HDX: variants seen among roughly 807,000 people sequenced by gnomAD.
HDX encodes the protein chromosome X open reading frame 43.
In HDX, 19 loss-of-function variants were observed where a neutral mutation model predicts 45.2. That is an observed-to-expected ratio of 0.42 (90% CI 0.29 to 0.62). HDX has a LOEUF of 0.62. Ranked by LOEUF, HDX falls within the 20% of genes least tolerant of loss-of-function variation. The probability of loss-of-function intolerance (pLI) is 0.20; values close to 1 mark genes in which losing one functional copy is unlikely to be tolerated. For synonymous variants in HDX, 188 were observed against 172.8 expected, an observed-to-expected ratio of 1.09 and a Z score of -0.69; for missense variants, 532 against 493.9, an observed-to-expected ratio of 1.08 and a Z score of -0.73.
chrX:84,412,497 T>A (rs764504326), intron 5 of HDX, among the ~76,000 whole-genome samples: 18 of 111,907 alleles, frequency 1.6e-4, no homozygotes, highest in Non-Finnish European at 2.4e-4. Flanking sequence ...TAATATAGGC[T>A]CCCAATCTCT....
At chrX:84,454,163 G>C (rs141324049) in intron 4 of HDX, among the ~76,000 whole-genome samples, 72 of 111,523 alleles carry the variant, frequency 6.5e-4, no homozygotes, top group African/African-American at 2.2e-3. Flanking sequence ...TGGGCATGGG[G>C]AAAGACACCT....
intron 5 of HDX, among the ~76,000 whole-genome samples, chrX:84,429,224 T>C (rs1472852672): frequency 9.1e-6 from 1 of 109,482 alleles, no homozygotes; most frequent in African/African-American, 3.3e-5. Flanking sequence ...TACAAAAAAG[T>C]GACCTGAAAT....
At chrX:84,421,459 G>A (rs1313301492) in intron 5 of HDX, among the ~76,000 whole-genome samples, 1 of 110,559 alleles carries the variant, frequency 9.0e-6, no homozygotes, top group Non-Finnish European at 1.9e-5. Flanking sequence ...GTATTACCAG[G>A]CAAAATTACC....
chrX:84,372,914 C>T (rs1018742678), intron 5 of HDX, among the ~76,000 whole-genome samples: 1 of 111,326 alleles, frequency 9.0e-6, no homozygotes, highest in Admixed American at 9.6e-5. Flanking sequence ...TCCTCAGGTG[C>T]TAAGAAATTA....
intron 1 of HDX, among the ~76,000 whole-genome samples, chrX:84,491,144 C>T (rs781473399): frequency 7.9e-4 from 88 of 111,537 alleles, no homozygotes; most frequent in African/African-American, 2.8e-3. Flanking sequence ...TACTTCCCAC[C>T]TTCTGTGACT....
chrX:84,493,121 C>G (rs974751325), intron 1 of HDX, among the ~76,000 whole-genome samples: 6 of 111,043 alleles, frequency 5.4e-5, no homozygotes, highest in Admixed American at 9.6e-5. Flanking sequence ...TCTCTATTTA[C>G]TTTATTTTAA....
At chrX:84,496,412 G>A (rs7886859) in intron 1 of HDX, among the ~76,000 whole-genome samples, 43,554 of 108,394 alleles carry the variant, frequency 0.4, 7,834 homozygotes, top group African/African-American at 0.69. Context: ...GTTAAAATGC[G>A]GATTCTGATT....
intron 5 of HDX, among the ~76,000 whole-genome samples, chrX:84,395,315 T>A (rs1052642353): frequency 9.0e-6 from 1 of 110,543 alleles, no homozygotes; most frequent in Non-Finnish European, 1.9e-5. Context: ...TTTTCCTACA[T>A]TTATGAAGAA....
At chrX:84,428,437 A>C (rs148613254) in intron 5 of HDX, among the ~76,000 whole-genome samples, 201 of 110,961 alleles carry the variant, frequency 1.8e-3, no homozygotes, top group Non-Finnish European at 3.0e-3. Flanking sequence ...TCCCATCCCT[A>C]GCCCCAGAAA....
chrX:84,446,468 A>T (rs954497338), intron 4 of HDX, among the ~76,000 whole-genome samples: 11 of 112,074 alleles, frequency 9.8e-5, no homozygotes, highest in African/African-American at 3.6e-4. Flanking sequence ...GTTACCATGA[A>T]TCACAACTCT....
intron 5 of HDX, among the ~76,000 whole-genome samples, chrX:84,376,454 C>A (rs1442857952): frequency 8.9e-6 from 1 of 111,769 alleles, no homozygotes; most frequent in Non-Finnish European, 1.9e-5. Flanking sequence ...GATTCTAGGA[C>A]TTGACTCTTC....
chrX:84,366,656 C>G (rs2147862562), intron 5 of HDX, among the ~76,000 whole-genome samples: 1 of 111,022 alleles, frequency 9.0e-6, no homozygotes, highest in African/African-American at 3.3e-5. Flanking sequence ...TGGAACAGAA[C>G]AGGGGCCTCA....
chrX:84,372,811 A>G (rs1569301408), intron 5 of HDX, among the ~76,000 whole-genome samples: 1 of 111,546 alleles, frequency 9.0e-6, no homozygotes, highest in East Asian at 2.8e-4. Context: ...TCAGAACTTG[A>G]TTTACAGTAG....
rs111517292 is a variant in HDX at position 84,376,892 on chromosome X, C to T, written c.1306-15280G>A. On this transcript the variant is annotated intron_variant, in intron 5 of 10. Transcript: ENST00000373177. ...CCAGCTGATTGTAGAGCCCCAGGGC[C>T]TAGTGCGAACATAGACAGTAGCCAG... 6.6e-3 allele frequency among the ~76,000 whole-genome samples: 739 copies of T among 111,740 alleles called. 5 individuals carry two copies. Among genetic ancestry groups the T allele is most frequent in the African/African-American group, 0.022 (691 of 30,764 alleles).
intron 1 of HDX, among the ~76,000 whole-genome samples, chrX:84,490,972 C>A (rs974072617): frequency 9.0e-6 from 1 of 111,060 alleles, no homozygotes; most frequent in African/African-American, 3.3e-5. Context: ...TTAAGATTTT[C>A]TCTTTTCTAT....
At chrX:84,374,687 C>T (rs1333138782) in intron 5 of HDX, among the ~76,000 whole-genome samples, 4 of 109,546 alleles carry the variant, frequency 3.7e-5, no homozygotes, top group South Asian at 7.8e-4. Flanking sequence ...AACTGGCTAG[C>T]CATATGTAGA....
At chrX:84,406,347 C>G (rs1018324991) in intron 5 of HDX, among the ~76,000 whole-genome samples, 4 of 109,806 alleles carry the variant, frequency 3.6e-5, no homozygotes, top group South Asian at 3.8e-4. Context: ...ATTAAGAAAA[C>G]TAGGTGAAGT....
At chrX:84,378,361 C>A (rs1186745554) in intron 5 of HDX, among the ~76,000 whole-genome samples, 2 of 111,427 alleles carry the variant, frequency 1.8e-5, no homozygotes, top group Non-Finnish European at 3.8e-5. Context: ...AATATTATAA[C>A]ACCATAACTG....
At chrX:84,424,099 G>A (rs963254419) in intron 5 of HDX, among the ~76,000 whole-genome samples, 2 of 110,555 alleles carry the variant, frequency 1.8e-5, no homozygotes, top group Non-Finnish European at 3.8e-5. Context: ...AATATTAGAA[G>A]GAATAAAGAA....
Sources: allele counts gnomAD v4.1 joint callset (sites outside exome capture counted in the v4.1 genomes callset), GRCh38; gene constraint gnomAD v4.1.1; transcripts MANE v1.5; gene names NCBI Gene and HGNC (gene_info 2026-07-23, HGNC 2026-07-21).